The following MIA2 variants were observed in gnomAD, a reference collection of about 807,000 sequenced individuals.
The protein encoded by MIA2 is melanoma inhibitory activity protein 2.
A neutral mutation model predicts 167.8 loss-of-function variants in MIA2; 127 were observed. The observed-to-expected ratio is 0.76, with a 90% CI of 0.66 to 0.88. The LOEUF (loss-of-function observed/expected upper bound fraction) is 0.88. Among genes scored for constraint, MIA2 ranks in the 40% least tolerant of loss-of-function variants. The pLI, the probability that MIA2 is intolerant of heterozygous loss-of-function variation, is 0.00. For synonymous variants in MIA2, 552 were observed against 541.9 expected (o/e 1.02, Z -0.26); for missense variants, 1,690 against 1,624.7 (o/e 1.04, Z -0.69).
In MIA2 at chr14:39,293,287, T is replaced by G. The variant is rs2060980041; in HGVS notation, c.2225T>G (p.Leu742Arg). 1 of 1,611,360 alleles carries G rather than the reference T, an allele frequency of 6.2e-7. No individual in the cohort carries two copies. The change falls in exon 11 of 29, where the codon CTG becomes CGG. Residue 742 changes from leucine (L) to arginine (R), a missense_variant. Physicochemically the swap from Leu to Arg is moderately radical, Grantham distance 102 (BLOSUM62 -2). Transcript: ENST00000640607. ...CTCTCTTAGGCAACCTGTGAAAAGC[T>G]GAACAGGTCCAATTCTGAACTTGAG... is the stretch of plus-strand genomic sequence containing the variant. Reference protein sequence around the residue: ...AQSLEATCEKLNRSNSELEDE... With the variant: ...AQSLEATCEKRNRSNSELEDE...
At chr14:39,236,895 G>GTA in intron 1 of MIA2, 27 bp from the exon 2 acceptor site, 1 of 1,586,080 alleles carries the variant, frequency 6.3e-7, no homozygotes. Flanking sequence ...TTTAAAGTGT[G>GTA]TATTTTTCTT....
downstream of MIA2, among the ~76,000 whole-genome samples, chr14:39,353,436 CAT>C (rs541638338): frequency 5.3e-4 from 81 of 152,214 alleles, no homozygotes; most frequent in Middle Eastern, 3.4e-3. Context: ...TGAGTGAGAA[CAT>C]GTGGTATTTA....
chr14:39,376,322 A>G (rs2075045550), intron 23 of MIA2, among the ~76,000 whole-genome samples: 1 of 152,192 alleles, frequency 6.6e-6, no homozygotes, highest in Admixed American at 6.5e-5. Flanking sequence ...ACGATTTTTC[A>G]ATATTGAAAT....
chr14:39,337,308 G>C (rs2070657987), intron 25 of MIA2, among the ~76,000 whole-genome samples: 1 of 152,184 alleles, frequency 6.6e-6, no homozygotes, highest in South Asian at 2.1e-4. Flanking sequence ...ATAGCACTGA[G>C]AGGAACAAAG....
intron 23 of MIA2, among the ~76,000 whole-genome samples, chr14:39,364,955 G>T (rs988484497): frequency 1.1e-4 from 17 of 152,054 alleles, no homozygotes; most frequent in Admixed American, 3.9e-4. Context: ...ACGCATTTGG[G>T]ATCTCTGAAT....
chr14:39,267,107 A>T (rs2055879910), intron 6 of MIA2: 1 of 1,114,470 alleles, frequency 9.0e-7, no homozygotes, highest in East Asian at 6.7e-5. Context: ...GAAGAAGGGG[A>T]AGTTTGCGGC....
At chr14:39,354,352 A>G (rs1369508849), downstream of MIA2, among the ~76,000 whole-genome samples, 1 of 152,198 alleles carries the variant, frequency 6.6e-6, no homozygotes, top group Non-Finnish European at 1.5e-5. Context: ...TGTAGGCTGC[A>G]TAAATGTCTT....
chr14:39,353,440 T>G (rs928451640), downstream of MIA2, among the ~76,000 whole-genome samples: 1 of 152,148 alleles, frequency 6.6e-6, no homozygotes, highest in Non-Finnish European at 1.5e-5. Context: ...TGAGAACATG[T>G]GGTATTTATC....
chr14:39,359,890 T>C (rs1302956182), intron 23 of MIA2, among the ~76,000 whole-genome samples: 1 of 152,212 alleles, frequency 6.6e-6, no homozygotes, highest in African/African-American at 2.4e-5. Context: ...TAATTTTAGT[T>C]TTCTGAGAAA....
chr14:39,337,850 TG>T (rs1323213665), intron 25 of MIA2, among the ~76,000 whole-genome samples: 1 of 152,120 alleles, frequency 6.6e-6, no homozygotes, highest in Non-Finnish European at 1.5e-5. Flanking sequence ...CCTGAGTAGC[TG>T]GGACTTCAGG....
chr14:39,322,115 T>G (rs2066559363), intron 24 of MIA2, among the ~76,000 whole-genome samples: 1 of 152,194 alleles, frequency 6.6e-6, no homozygotes, highest in Non-Finnish European at 1.5e-5. Context: ...TAAAAAAATT[T>G]ACATTAGTAT....
At chr14:39,260,462 G>C (rs147125530) in intron 6 of MIA2, among the ~76,000 whole-genome samples, 4 of 152,146 alleles carry the variant, frequency 2.6e-5, no homozygotes, top group Non-Finnish European at 4.4e-5. Context: ...GGCCAGTGAC[G>C]ATGAGCATTT....
intron 6 of MIA2, chr14:39,267,333 C>T: frequency 6.5e-7 from 1 of 1,544,926 alleles, no homozygotes; most frequent in East Asian, 2.4e-5. Flanking sequence ...GCCGGCTCCG[C>T]AGTGGTCCAC....
Position 39,318,003 on chromosome 14 carries a change from C to A in MIA2, c.3276C>A (p.Asn1092Lys). ...ATTTAAGGAAAGAAAATGCTCACAA[C>A]AGACAAAAGTAAGTATCTTAGTGGG... is the stretch of plus-strand genomic sequence containing the variant. Reference protein sequence around the residue: ...LNDLRKENAHNRQKLTETELK... With the variant: ...LNDLRKENAHKRQKLTETELK... Residue 1092 changes from asparagine (N) to lysine (K), a missense_variant, in exon 22 of 29, where the codon AAC becomes AAA. Asn to Lys is a moderately conservative substitution (Grantham distance 94, BLOSUM62 0). Transcript: ENST00000640607. The A allele has an allele frequency of 1.9e-6, 3 of 1,579,966 alleles. No individual in the cohort carries two copies. The highest frequency in any genetic ancestry group is 2.3e-5 in the East Asian group (1 of 43,210).
At chr14:39,280,771 G>A (rs2058796103) in intron 9 of MIA2, among the ~76,000 whole-genome samples, 1 of 151,194 alleles carries the variant, frequency 6.6e-6, no homozygotes, top group African/African-American at 2.5e-5. Context: ...AAACCCTACT[G>A]GCTGTTTTTA....
At chr14:39,355,764 G>C (rs942176741), downstream of MIA2, among the ~76,000 whole-genome samples, 6 of 152,082 alleles carry the variant, frequency 3.9e-5, no homozygotes, top group South Asian at 2.1e-4. Context: ...TGGCATGAAG[G>C]GCTGTTGAAT....
At chr14:39,293,039 A>G (rs2060941960) in intron 10 of MIA2, among the ~76,000 whole-genome samples, 1 of 152,156 alleles carries the variant, frequency 6.6e-6, no homozygotes, top group African/African-American at 2.4e-5. Flanking sequence ...GGCATAGTTG[A>G]GTAATTGCAA....
chr14:39,339,035 A>G (rs2071152726), intron 25 of MIA2, among the ~76,000 whole-genome samples: 1 of 152,134 alleles, frequency 6.6e-6, no homozygotes. Flanking sequence ...TGCAGGGAGG[A>G]GGATGGTTTC....
downstream of MIA2, chr14:39,350,811 T>A (rs2074310027): frequency 2.0e-5 from 3 of 152,190 alleles, no homozygotes; most frequent in Admixed American, 2.0e-4. Context: ...TTCTTGTAAA[T>A]AGACATGAGT....
Sources: gnomAD v4.1 joint callset for allele counts (sites outside exome capture counted in the v4.1 genomes callset) on GRCh38, gnomAD v4.1.1 for gene constraint, MANE v1.5 for transcripts, NCBI Gene and HGNC (gene_info 2026-07-23, HGNC 2026-07-21) for gene names.